Variants in FAM13A observed in about 807,000 individuals in gnomAD.
FAM13A encodes the protein family with sequence similarity 13 member A, also known as protein FAM13A.
Under a neutral mutation model 129.6 loss-of-function variants are expected in FAM13A, and 76 were observed. That is an observed-to-expected ratio of 0.59 (90% CI 0.49 to 0.71). The LOEUF (loss-of-function observed/expected upper bound fraction) is 0.71. Among genes scored for constraint, FAM13A ranks in the 30% least tolerant of loss-of-function variants. The pLI, the probability that FAM13A is intolerant of heterozygous loss-of-function variation, is 0.00. For synonymous variants in FAM13A, 443 were observed against 449.9 expected, an observed-to-expected ratio of 0.98 and a Z score of 0.20; for missense variants, 1,108 against 1,249.3, an observed-to-expected ratio of 0.89 and a Z score of 1.70.
chr4:88,782,590 G>A (rs1723160732), intron 10 of FAM13A, among the ~76,000 whole-genome samples: 1 of 151,976 alleles, frequency 6.6e-6, no homozygotes, highest in Non-Finnish European at 1.5e-5. Flanking sequence ...GCAAAATTAT[G>A]AATTAAATAC....
At chr4:88,953,330 C>T (rs1178430080) in intron 4 of FAM13A, among the ~76,000 whole-genome samples, 3 of 152,030 alleles carry the variant, frequency 2.0e-5, no homozygotes, top group African/African-American at 7.2e-5. Context: ...TGGCAGGCAC[C>T]TGTAATCCCA....
intron 4 of FAM13A, among the ~76,000 whole-genome samples, chr4:88,966,697 T>C (rs2609267): frequency 6.6e-6 from 1 of 151,854 alleles, no homozygotes; most frequent in African/African-American, 2.4e-5. Context: ...ATAGTTCTAT[T>C]CTATGTTAAG....
Position 88,754,404 on chromosome 4 carries a change from C to T in FAM13A, c.1727-3767G>A, listed in dbSNP as rs1399982264. Among the ~76,000 whole-genome samples the T allele has an allele frequency of 2.0e-5, 3 of 152,326 alleles. No individual in the cohort carries two copies. The East Asian group carries it at 5.8e-4, about 29-fold the overall frequency. ...AACATGGTCACTGGGACAAGCTACT[C>T]TCTGCTTAGCTGGCTGGATCCACTT... is the stretch of plus-strand genomic sequence containing the variant. On this transcript the variant is annotated intron_variant, in intron 14 of 23. Transcript: ENST00000264344.
intron 5 of FAM13A, among the ~76,000 whole-genome samples, chr4:88,926,254 C>A (rs1162417347): frequency 1.3e-5 from 2 of 152,094 alleles, no homozygotes; most frequent in African/African-American, 4.8e-5. Flanking sequence ...ATGTTCATTT[C>A]TAGGCACTTC....
At chr4:88,923,228 C>T (rs868706130) in intron 5 of FAM13A, among the ~76,000 whole-genome samples, 1 of 152,168 alleles carries the variant, frequency 6.6e-6, no homozygotes, top group African/African-American at 2.4e-5. Context: ...GATACCAAAG[C>T]CTGGCAGAGA....
At chr4:88,880,783 C>CGGGGGGGGGGGGGGGG (rs70959631) in intron 6 of FAM13A, among the ~76,000 whole-genome samples, 2 of 30,054 alleles carry the variant, frequency 6.7e-5, no homozygotes, top group African/African-American at 1.6e-4. Context: ...CGGTGGGGGG[C>CGGGGGGGGGGGGGGGG]GGGGGGGGGG....
intron 6 of FAM13A, among the ~76,000 whole-genome samples, chr4:88,884,856 A>G (rs1394489443): frequency 1.3e-5 from 2 of 152,208 alleles, no homozygotes; most frequent in Non-Finnish European, 2.9e-5. Context: ...ACCAACAGCA[A>G]CCAAACTGAG....
At chr4:89,043,698 A>G (rs1770463551) in intron 1 of FAM13A, among the ~76,000 whole-genome samples, 2 of 152,200 alleles carry the variant, frequency 1.3e-5, no homozygotes, top group South Asian at 4.1e-4. Context: ...CAAAATTTTA[A>G]TAAGGATGTG....
intron 8 of FAM13A, among the ~76,000 whole-genome samples, chr4:88,801,344 G>C (rs1434622835): frequency 6.6e-6 from 1 of 152,148 alleles, no homozygotes; most frequent in African/African-American, 2.4e-5. Context: ...CTGCAAAACA[G>C]CTAACTTAGA....
At chr4:88,941,503 T>C (rs1382347051) in intron 4 of FAM13A, among the ~76,000 whole-genome samples, 2 of 152,214 alleles carry the variant, frequency 1.3e-5, no homozygotes, top group Non-Finnish European at 2.9e-5. Context: ...GAATGAAGTA[T>C]TGCATGATTC....
intron 6 of FAM13A, among the ~76,000 whole-genome samples, chr4:88,861,286 CA>C (rs1183466995): frequency 1.3e-5 from 2 of 148,742 alleles, no homozygotes; most frequent in African/African-American, 2.5e-5. Flanking sequence ...GAGGCTGAGG[CA>C]GGAAAATCGC....
chr4:88,939,840 C>CAA (rs1458950198), intron 4 of FAM13A, among the ~76,000 whole-genome samples: 1 of 152,144 alleles, frequency 6.6e-6, no homozygotes, highest in Non-Finnish European at 1.5e-5. Context: ...CATAAGAACA[C>CAA]AGTAAGATGC....
chr4:89,035,755 C>T (rs887900834), intron 1 of FAM13A, among the ~76,000 whole-genome samples: 2 of 152,172 alleles, frequency 1.3e-5, no homozygotes, highest in African/African-American at 4.8e-5. Flanking sequence ...CTCCTTTCCT[C>T]TCTTCCTCTT....
chr4:88,896,282 AG>A (rs1441517092), intron 6 of FAM13A, among the ~76,000 whole-genome samples: 2 of 84,896 alleles, frequency 2.4e-5, no homozygotes, highest in Non-Finnish European at 4.6e-5. Context: ...GGGTTGGGGG[AG>A]GGGGGAGGGA....
At chr4:88,834,058 T>C (rs910399788) in intron 7 of FAM13A, among the ~76,000 whole-genome samples, 37 of 138,370 alleles carry the variant, frequency 2.7e-4, no homozygotes, top group Non-Finnish European at 4.5e-4. Context: ...CCTGGCTATT[T>C]TTTTTTTTTT....
At chr4:88,887,812 C>T (rs1341868089) in intron 6 of FAM13A, among the ~76,000 whole-genome samples, 1 of 152,080 alleles carries the variant, frequency 6.6e-6, no homozygotes, top group East Asian at 1.9e-4. Flanking sequence ...GGATTACAGG[C>T]GTGAGCCACC....
In FAM13A at chr4:88,749,675, C is replaced by A. The variant is rs562887321; in HGVS notation, c.2079+96G>T. On this transcript the variant is annotated intron_variant, in intron 16 of 23. Coordinates refer to ENST00000264344, the MANE Select transcript of FAM13A (RefSeq NM_014883.4). ...TTTTTGTTGTAAGATTCCCTAGAAGCCTCCCTTAACCTTTCGTCGTTTCTT... is the reference window on the plus strand; with the variant it reads ...TTTTTGTTGTAAGATTCCCTAGAAGACTCCCTTAACCTTTCGTCGTTTCTT... 16 of 1,283,534 alleles carry A rather than the reference C, an allele frequency of 1.2e-5. No homozygotes were observed. The South Asian group carries it at 2.1e-4, about 17-fold the overall frequency. The allele number at this position is 1,283,534 out of a possible 1,614,324, so 79.5% of individuals were successfully genotyped here.
chr4:88,857,867 C>G (rs1425933569), intron 6 of FAM13A, among the ~76,000 whole-genome samples: 1 of 152,086 alleles, frequency 6.6e-6, no homozygotes, highest in Non-Finnish European at 1.5e-5. Flanking sequence ...AGTAGGTGAC[C>G]ACTAAATGTC....
At chr4:88,873,990 C>CA (rs1298810829) in intron 6 of FAM13A, among the ~76,000 whole-genome samples, 1 of 152,048 alleles carries the variant, frequency 6.6e-6, no homozygotes, top group African/African-American at 2.4e-5. Context: ...TCAACACACG[C>CA]AAATCAATAG....
Sources: allele counts gnomAD v4.1 joint callset (sites outside exome capture counted in the v4.1 genomes callset), GRCh38; gene constraint gnomAD v4.1.1; transcripts MANE v1.5; gene names NCBI Gene and HGNC (gene_info 2026-07-23, HGNC 2026-07-21).